TNR: variants seen among roughly 807,000 people sequenced by gnomAD.
TNR encodes tenascin R.
A neutral mutation model predicts 150.4 loss-of-function variants in TNR; 45 were observed. The observed-to-expected ratio is 0.30, with a 90% CI of 0.24 to 0.38. TNR has a LOEUF of 0.38. Among genes scored for constraint, TNR ranks in the 10% least tolerant of loss-of-function variants. The pLI, the probability that TNR is intolerant of heterozygous loss-of-function variation, is 1.00. For missense variants in TNR, 1,544 were observed against 1,759.1 expected (o/e 0.88, Z 2.19); for synonymous variants, 687 against 678.4 (o/e 1.01, Z -0.20).
At chr1:175,673,672 G>A (rs1407248733) in intron 1 of TNR, among the ~76,000 whole-genome samples, 1 of 152,230 alleles carries the variant, frequency 6.6e-6, no homozygotes, top group Admixed American at 6.5e-5. Context: ...CACAATCGAA[G>A]TGAGTAAACA....
chr1:175,480,460 A>AG (rs1231961211), intron 2 of TNR, among the ~76,000 whole-genome samples: 1 of 139,738 alleles, frequency 7.2e-6, no homozygotes, highest in African/African-American at 2.6e-5. Flanking sequence ...AAAGAAAGAA[A>AG]AGAAAAAAAG....
chr1:175,349,975 G>T (rs1650979916), intron 18 of TNR, among the ~76,000 whole-genome samples: 2 of 152,298 alleles, frequency 1.3e-5, no homozygotes, highest in South Asian at 4.1e-4. Context: ...AAGGATTTGT[G>T]GCATATCTGA....
intron 1 of TNR, among the ~76,000 whole-genome samples, chr1:175,710,620 T>C (rs560922231): frequency 2.9e-4 from 44 of 152,222 alleles, no homozygotes; most frequent in African/African-American, 9.9e-4. Context: ...CCCAGCCCTA[T>C]CAACAATTAT....
At chr1:175,529,503 G>A (rs1040376843) in intron 1 of TNR, among the ~76,000 whole-genome samples, 13 of 152,320 alleles carry the variant, frequency 8.5e-5, no homozygotes, top group East Asian at 5.8e-4. Context: ...TTCTGAGGTG[G>A]CATCACAGGG....
At chr1:175,455,081 G>A (rs1258679908) in intron 2 of TNR, among the ~76,000 whole-genome samples, 1 of 152,176 alleles carries the variant, frequency 6.6e-6, no homozygotes, top group African/African-American at 2.4e-5. Context: ...ATGCTGGAGA[G>A]GTCACACTCA....
At position 175,353,850 on chromosome 1, in the gene TNR, T is replaced by TG. The variant is rs1226291340; in HGVS notation, c.3382+540_3382+541insC. Among the ~76,000 whole-genome samples, 6 of 58,862 alleles carry TG rather than the reference T, an allele frequency of 1.0e-4. No homozygotes were observed. In the East Asian group the frequency reaches 3.3e-3, roughly 33 times the overall value. 38.6% of individuals were successfully genotyped at this position (58,862 alleles called of 152,430 possible). A position where few individuals can be genotyped will look rare whatever the true frequency, so the allele number is the denominator to read the frequency against. On this transcript the variant is annotated intron_variant, in intron 18 of 22. Coordinates refer to ENST00000367674, the MANE Select transcript of TNR (RefSeq NM_003285.3). ...GAACCTGATTTTTTAAATTTTTATT[T>TG]ATTTTTTTTTTTTGAGACGGAGTCT...
chr1:175,657,895 T>C (rs1454447462), intron 1 of TNR, among the ~76,000 whole-genome samples: 1 of 97,042 alleles, frequency 1.0e-5, no homozygotes, highest in South Asian at 3.6e-4. Context: ...GTAACAAACC[T>C]GCACGTTGTG....
intron 14 of TNR, among the ~76,000 whole-genome samples, chr1:175,362,216 G>A (rs1332507102): frequency 6.6e-6 from 1 of 152,144 alleles, no homozygotes; most frequent in Admixed American, 6.5e-5. Flanking sequence ...GGAGCACAAA[G>A]CAAGAGCAAA....
intron 1 of TNR, among the ~76,000 whole-genome samples, chr1:175,698,228 C>T (rs1316021572): frequency 6.6e-6 from 1 of 152,318 alleles, no homozygotes; most frequent in East Asian, 1.9e-4. Context: ...TGTCGGGTGG[C>T]ACTCTGTGCC....
At position 175,658,676 on chromosome 1, in the gene TNR, C is replaced by T. The variant is rs140142611; in HGVS notation, c.-165+84550G>A. Among the ~76,000 whole-genome samples, 85 of 152,342 alleles carry T rather than the reference C, an allele frequency of 5.6e-4. 1 individual carries two copies. The highest frequency in any genetic ancestry group is 9.0e-4 in the Non-Finnish European group (61 of 68,034). ...TCTCTTCTTCCAGTCATTTATACCA[C>T]TCAAACCTTTGGTGGGGTCAGACAG... is the stretch of plus-strand genomic sequence containing the variant. On this transcript the variant is annotated intron_variant, in intron 1 of 22. Transcript: ENST00000367674.
intron 2 of TNR, among the ~76,000 whole-genome samples, chr1:175,521,844 C>G (rs1659653298): frequency 6.6e-6 from 1 of 152,164 alleles, no homozygotes; most frequent in African/African-American, 2.4e-5. Flanking sequence ...TGTAACACAG[C>G]CAATGCCAGG....
chr1:175,555,621 G>A (rs1042395515), intron 1 of TNR, among the ~76,000 whole-genome samples: 2 of 152,028 alleles, frequency 1.3e-5, no homozygotes, highest in Non-Finnish European at 2.9e-5. Context: ...AACACACCAT[G>A]AGCTAGTCAT....
chr1:175,606,031 T>G, intron 1 of TNR, among the ~76,000 whole-genome samples: 1 of 152,262 alleles, frequency 6.6e-6, no homozygotes, highest in East Asian at 1.9e-4. Context: ...ATTTGCGCAC[T>G]CTTTCCTTCA....
intron 2 of TNR, among the ~76,000 whole-genome samples, chr1:175,445,839 T>G (rs2102086818): frequency 6.6e-6 from 1 of 152,374 alleles, no homozygotes; most frequent in South Asian, 2.1e-4. Flanking sequence ...TCATTAGATG[T>G]TCCCCTTTAT....
intron 1 of TNR, among the ~76,000 whole-genome samples, chr1:175,555,101 G>A (rs143636198): frequency 1.3e-5 from 2 of 152,148 alleles, no homozygotes; most frequent in Non-Finnish European, 2.9e-5. Context: ...GCTCAAGAAA[G>A]CCAAAAAAGA....
chr1:175,570,837 G>T (rs970054486), intron 1 of TNR, among the ~76,000 whole-genome samples: 4 of 152,074 alleles, frequency 2.6e-5, no homozygotes, highest in African/African-American at 9.7e-5. Context: ...TTTCCATAAT[G>T]TTTTTTCTCC....
chr1:175,519,022 C>A (rs1415031495), intron 2 of TNR, among the ~76,000 whole-genome samples: 1 of 152,178 alleles, frequency 6.6e-6, no homozygotes, highest in Non-Finnish European at 1.5e-5. Context: ...TTTCTTCCAC[C>A]AAATCATGTT....
At chr1:175,496,359 T>C (rs1039836853) in intron 2 of TNR, among the ~76,000 whole-genome samples, 7 of 152,194 alleles carry the variant, frequency 4.6e-5, no homozygotes, top group Non-Finnish European at 1.0e-4. Context: ...GTCTCTCTAA[T>C]AACCTGGGTG....
At chr1:175,326,352 A>T (rs1649396660) in intron 21 of TNR, among the ~76,000 whole-genome samples, 2 of 152,262 alleles carry the variant, frequency 1.3e-5, no homozygotes, top group South Asian at 4.1e-4. Context: ...GCGAGGAAAG[A>T]CCTATTCTGA....
Sources: allele counts gnomAD v4.1 joint callset (sites outside exome capture counted in the v4.1 genomes callset), GRCh38; gene constraint gnomAD v4.1.1; transcripts MANE v1.5; gene names NCBI Gene and HGNC (gene_info 2026-07-23, HGNC 2026-07-21).